Variants in GPR141 observed in about 807,000 individuals in gnomAD.
GPR141 encodes the protein G protein-coupled receptor 141.
In GPR141, 6 loss-of-function variants were observed where a neutral mutation model predicts 6.8. That is an observed-to-expected ratio of 0.88 (90% CI 0.48 to 1.74). GPR141 has a LOEUF of 1.74. GPR141 is among the 40% of genes most tolerant of loss of function. The pLI, the probability that GPR141 is intolerant of heterozygous loss-of-function variation, is 0.01. For missense variants in GPR141, 372 were observed against 372.9 expected (o/e 1.00, Z 0.02); for synonymous variants, 140 against 142.3 (o/e 0.98, Z 0.11).
intron 2 of GPR141, among the ~76,000 whole-genome samples, chr7:37,708,331 A>AAAAAAAAAT (rs1810634082): frequency 6.6e-6 from 1 of 151,042 alleles, no homozygotes. Flanking sequence ...AAAAAAAAAA[A>AAAAAAAAAT]AAAACGCAAA....
chr7:37,710,350 G>A (rs1018167932), intron 2 of GPR141, among the ~76,000 whole-genome samples: 1 of 152,046 alleles, frequency 6.6e-6, no homozygotes, highest in African/African-American at 2.4e-5. Context: ...TCCATGCAAG[G>A]CTGCCCTGAG....
intron 2 of GPR141, among the ~76,000 whole-genome samples, chr7:37,702,363 T>TC (rs1033199161): frequency 6.6e-6 from 1 of 152,132 alleles, no homozygotes; most frequent in African/African-American, 2.4e-5. Flanking sequence ...TGTCTTTTTT[T>TC]CCTTCCTTCC....
Position 37,740,800 on chromosome 7 carries a change from G to C in GPR141, c.407G>C (p.Ser136Thr), listed in dbSNP as rs1269042204. 1 of 1,614,202 alleles carries C rather than the reference G, an allele frequency of 6.2e-7. No individual in the cohort carries two copies. Among genetic ancestry groups the C allele is most frequent in the South Asian group, 1.1e-5 (1 of 91,084 alleles). Residue 136 changes from serine to threonine, a missense_variant, in exon 3 of 3, where the codon AGT (serine) becomes ACT (threonine). Transcript: ENST00000334425. Reference protein sequence around the residue: ...FYRKLHAVAASAGMWTLVIVI... With the variant: ...FYRKLHAVAATAGMWTLVIVI... ...AGAAAACTGCATGCTGTGGCTGCCA[G>C]TGCTGGCATGTGGACGCTGGTGATT...
chr7:37,699,709 A>G (rs563126599), intron 2 of GPR141, among the ~76,000 whole-genome samples: 1 of 152,362 alleles, frequency 6.6e-6, no homozygotes, highest in Admixed American at 6.5e-5. Flanking sequence ...ATGAACTTGG[A>G]TTTTTAAAAA....
In GPR141 at chr7:37,743,250, C is replaced by T. The variant is rs1275627062; in HGVS notation, c.*1939C>T. ...ATTATCACTGTGGATCCACAAATTC[C>T]TCAGATGAATAAGAAATACCTCTGT... On this transcript the variant is annotated 3_prime_UTR_variant, in exon 3 of 3. Transcript: ENST00000334425. Among the ~76,000 whole-genome samples the T allele has an allele frequency of 6.6e-6, 1 of 151,870 alleles. No homozygotes were observed. Among genetic ancestry groups the T allele is most frequent in the East Asian group, 1.9e-4 (1 of 5,202 alleles).
intron 2 of GPR141, among the ~76,000 whole-genome samples, chr7:37,710,054 G>C (rs972798165): frequency 6.6e-6 from 1 of 152,212 alleles, no homozygotes; most frequent in African/African-American, 2.4e-5. Context: ...GTTGCAAGTA[G>C]AGAAACTGAG....
At chr7:37,724,789 C>T (rs758858016) in intron 2 of GPR141, among the ~76,000 whole-genome samples, 1 of 152,214 alleles carries the variant, frequency 6.6e-6, no homozygotes, top group East Asian at 1.9e-4. Flanking sequence ...TGGGGCTGGA[C>T]ATCCATCCTG....
At chr7:37,684,050 C>T (rs1045448445) in intron 1 of GPR141, 147 bp downstream of exon 1, 1 of 152,152 alleles carries the variant, frequency 6.6e-6, no homozygotes, top group Non-Finnish European at 1.5e-5. Context: ...CACAACTCCT[C>T]CTTTATAGAA....
In GPR141 at chr7:37,697,151, A is replaced by T. The variant is rs1384405472; in HGVS notation, c.-15+11568A>T. Among the ~76,000 whole-genome samples, 40 of 151,010 alleles carry T rather than the reference A, an allele frequency of 2.6e-4. No individual in the cohort carries two copies. The Admixed American group carries it at 2.7e-3, about 10-fold the overall frequency. On this transcript the variant is annotated intron_variant, in intron 2 of 2. Transcript: ENST00000334425. ...GTAAAATGCTTTATGATTTATAAAG[A>T]GGAGGTAGAAGTAATAATTCTTATT...
chr7:37,740,391 A>G lies in GPR141; in HGVS notation c.-3A>G, dbSNP rs1812469479. The G allele has an allele frequency of 3.8e-6, 6 of 1,585,362 alleles. No individual in the cohort carries two copies. Among genetic ancestry groups the G allele is most frequent in the Non-Finnish European group, 5.2e-6 (6 of 1,162,440 alleles). ...TTTTTCTCCTCCAGGTGACTTCCCA[A>G]GTATGCCTGGCCACAATACCTCCAG... On this transcript the variant is annotated 5_prime_UTR_variant, in exon 3 of 3. Transcript: ENST00000334425.
chr7:37,703,276 T>C (rs1463025960), intron 2 of GPR141, among the ~76,000 whole-genome samples: 1 of 152,180 alleles, frequency 6.6e-6, no homozygotes. Context: ...CTGTCTTCTC[T>C]AATTGGCTGC....
chr7:37,706,303 A>G lies in GPR141; in HGVS notation c.-15+20720A>G, dbSNP rs540778143. Among the ~76,000 whole-genome samples, 789 of 152,358 alleles carry G rather than the reference A, an allele frequency of 5.2e-3. 3 individuals are homozygous for G. The highest frequency in any genetic ancestry group is 0.018 in the African/African-American group (762 of 41,578). On this transcript the variant is annotated intron_variant, in intron 2 of 2. Transcript: ENST00000334425. ...TGTCAATAGATTGAGAAATACTTGGAGAGCATTTAAAAACCAGATTGAGAA... is the reference window on the plus strand; with the variant it reads ...TGTCAATAGATTGAGAAATACTTGGGGAGCATTTAAAAACCAGATTGAGAA...
Position 37,741,592 on chromosome 7 carries a change from AG to A in GPR141, c.*283del, listed in dbSNP as rs1225215786. 6.6e-6 allele frequency among the ~76,000 whole-genome samples: 1 copy of A among 152,202 alleles called. No homozygotes were observed. Among genetic ancestry groups the A allele is most frequent in the Admixed American group, 6.5e-5 (1 of 15,286 alleles). On this transcript the variant is annotated 3_prime_UTR_variant, in exon 3 of 3. Coordinates refer to ENST00000334425, the MANE Select transcript of GPR141 (RefSeq NM_001381946.1). Reference sequence around the variant, plus strand: ...TCTGTGTGGCCCATGAAAGCAACATAGGTTTTAAGAGTTTTAGAGTTTCATT... The same window carrying A: ...TCTGTGTGGCCCATGAAAGCAACATAGTTTTAAGAGTTTTAGAGTTTCATT...
chr7:37,725,815 T>G (rs556996919), intron 2 of GPR141, among the ~76,000 whole-genome samples: 1 of 152,224 alleles, frequency 6.6e-6, no homozygotes, highest in Non-Finnish European at 1.5e-5. Context: ...TATTTTAAAA[T>G]ATGTCTATTT....
intron 2 of GPR141, among the ~76,000 whole-genome samples, chr7:37,691,738 GTCTGGGAAAGATGTTTTTATCTCCATT>G (rs1809778900): frequency 6.6e-6 from 1 of 152,022 alleles, no homozygotes; most frequent in Non-Finnish European, 1.5e-5. Flanking sequence ...GTTTTTCTTT[GTCTGGGAAAGATGTTTTTATCTCCATT>G]TCTGAAAGAT....
intron 2 of GPR141, among the ~76,000 whole-genome samples, chr7:37,739,512 T>C (rs1164347610): frequency 6.6e-6 from 1 of 152,200 alleles, no homozygotes; most frequent in Non-Finnish European, 1.5e-5. Flanking sequence ...GTAGGAGAGA[T>C]GGGAAGCCGT....
rs1450182 is a variant in GPR141 at position 37,711,672 on chromosome 7, G to T, written c.-15+26089G>T. Among the ~76,000 whole-genome samples the T allele has an allele frequency of 4.5e-3, 689 of 152,240 alleles. 23 individuals are homozygous for T. The highest frequency in any genetic ancestry group is 0.042 in the Admixed American group (635 of 15,296). Reference sequence around the variant, plus strand: ...GTAAGCCTGTTGCAAACACTGCTAGGTATCTTTATGTGAATCTCCTAATTG... The same window carrying T: ...GTAAGCCTGTTGCAAACACTGCTAGTTATCTTTATGTGAATCTCCTAATTG... On this transcript the variant is annotated intron_variant, in intron 2 of 2. Transcript: ENST00000334425.
chr7:37,719,293 C>A (rs1410617884), intron 2 of GPR141, among the ~76,000 whole-genome samples: 1 of 152,138 alleles, frequency 6.6e-6, no homozygotes, highest in Admixed American at 6.5e-5. Context: ...AAAGCCAGGG[C>A]TTTGTCAAAT....
Position 37,743,385 on chromosome 7 carries a change from T to A in GPR141, c.*2074T>A, listed in dbSNP as rs771899809. On this transcript the variant is annotated 3_prime_UTR_variant, in exon 3 of 3. Coordinates refer to ENST00000334425, the MANE Select transcript of GPR141 (RefSeq NM_001381946.1). ...GTTTCCATATATTTTCTGTTTTATATATTCTTTTAAATATCCTTTTAAACA... is the reference window on the plus strand; with the variant it reads ...GTTTCCATATATTTTCTGTTTTATAAATTCTTTTAAATATCCTTTTAAACA... 2.6e-5 allele frequency among the ~76,000 whole-genome samples: 4 copies of A among 152,126 alleles called. No individual in the cohort carries two copies. The highest frequency in any genetic ancestry group is 5.9e-5 in the Non-Finnish European group (4 of 68,010).
Sources: allele counts gnomAD v4.1 joint callset (sites outside exome capture counted in the v4.1 genomes callset), GRCh38; gene constraint gnomAD v4.1.1; transcripts MANE v1.5; gene names NCBI Gene and HGNC (gene_info 2026-07-23, HGNC 2026-07-21).